The following CSMD1 variants were observed in gnomAD, a reference collection of about 807,000 sequenced individuals.
CSMD1 encodes the protein CUB and Sushi multiple domains 1.
A neutral mutation model predicts 417.5 loss-of-function variants in CSMD1; 213 were observed. The observed-to-expected ratio is 0.51, with a 90% CI of 0.46 to 0.57. The LOEUF is 0.57. CSMD1 is among the 20% of genes least tolerant of loss of function. CSMD1 has a pLI of 0.00. For missense variants in CSMD1, 6,923 were observed against 4,529.7 expected (o/e 1.53, Z -15.17); for synonymous variants, 2,862 against 1,736.8 (o/e 1.65, Z -16.11).
intron 7 of CSMD1, among the ~76,000 whole-genome samples, chr8:3,651,901 G>A: frequency 6.7e-6 from 1 of 149,654 alleles, no homozygotes; most frequent in African/African-American, 2.5e-5. Context: ...ACTACCATCA[G>A]AGTGCTTACC....
At chr8:3,589,264 T>A (rs1010110646) in intron 8 of CSMD1, among the ~76,000 whole-genome samples, 3 of 152,130 alleles carry the variant, frequency 2.0e-5, no homozygotes, top group African/African-American at 7.2e-5. Flanking sequence ...ATGAAATCAA[T>A]ACGTTGAAGA....
intron 1 of CSMD1, among the ~76,000 whole-genome samples, chr8:4,914,464 G>C (rs983182035): frequency 7.2e-5 from 11 of 151,816 alleles, no homozygotes; most frequent in African/African-American, 2.7e-4. Flanking sequence ...TGTAGTCCCA[G>C]CTACTCGGGA....
At chr8:4,083,609 T>A (rs2911716) in intron 3 of CSMD1, among the ~76,000 whole-genome samples, 61,356 of 151,840 alleles carry the variant, frequency 0.4, 12,507 homozygotes, top group East Asian at 0.54. Flanking sequence ...CCTATTTAAT[T>A]AATGGTGCTG....
rs998645020 is a variant in CSMD1, at chr8:3,778,545, C to A, written c.819-24503G>T. 3.9e-5 allele frequency among the ~76,000 whole-genome samples: 6 copies of A among 152,174 alleles called. No individual in the cohort carries two copies. The South Asian group carries it at 6.2e-4, about 16-fold the overall frequency. On this transcript the variant is annotated intron_variant, in intron 5 of 69. Transcript: ENST00000635120. ...AACGCTGCCCGTGTGCCTGTGCACG[C>A]TCTTGCCTGGGGTTTATTTTCTGAG...
intron 3 of CSMD1, among the ~76,000 whole-genome samples, chr8:4,168,009 A>T (rs1797550763): frequency 6.6e-6 from 1 of 152,042 alleles, no homozygotes; most frequent in South Asian, 2.1e-4. Context: ...GACTCCTGTA[A>T]TCCCAGCTAA....
intron 18 of CSMD1, among the ~76,000 whole-genome samples, chr8:3,380,639 A>C (rs1303012512): frequency 6.6e-6 from 1 of 152,166 alleles, no homozygotes; most frequent in Non-Finnish European, 1.5e-5. Context: ...TAACATAGGA[A>C]TACAAAACCA....
At chr8:3,930,796 G>C (rs1218811168) in intron 5 of CSMD1, among the ~76,000 whole-genome samples, 1 of 150,480 alleles carries the variant, frequency 6.6e-6, no homozygotes, top group Admixed American at 6.6e-5. Context: ...ACATGTACAA[G>C]GGTCAAGATT....
chr8:4,138,720 G>T (rs1387820086), intron 3 of CSMD1, among the ~76,000 whole-genome samples: 2 of 152,036 alleles, frequency 1.3e-5, no homozygotes, highest in Non-Finnish European at 2.9e-5. Flanking sequence ...TTTTTTAAGT[G>T]CCAATTTAAC....
chr8:3,176,595 T>G (rs1820950645), intron 37 of CSMD1, among the ~76,000 whole-genome samples: 2 of 152,082 alleles, frequency 1.3e-5, no homozygotes, highest in African/African-American at 4.8e-5. Flanking sequence ...CCCCGTGAAC[T>G]AGAACAATGC....
At position 3,586,126 on chromosome 8, in the gene CSMD1, G is replaced by T. The variant is rs1369957963; in HGVS notation, c.1222+10C>A. On this transcript the variant is annotated intron_variant, in intron 9 of 69. Coordinates refer to ENST00000635120, the MANE Select transcript of CSMD1 (RefSeq NM_033225.6). ...GATAATCCAGGCTTTACCCACCGCA[G>T]GTGCCTTACCTCGGCAGATGGGCCT... 1.2e-6 allele frequency: 2 copies of T among 1,609,046 alleles called. No homozygotes were observed. The highest frequency in any genetic ancestry group is 2.2e-5 in the East Asian group (1 of 44,770).
intron 3 of CSMD1, among the ~76,000 whole-genome samples, chr8:4,319,651 T>C (rs1799152103): frequency 6.6e-6 from 1 of 152,034 alleles, no homozygotes; most frequent in Non-Finnish European, 1.5e-5. Flanking sequence ...GTTCACTGCC[T>C]GGAAAGAGAG....
chr8:4,062,148 C>T (rs771767507), intron 3 of CSMD1, among the ~76,000 whole-genome samples: 1 of 151,976 alleles, frequency 6.6e-6, no homozygotes, highest in Non-Finnish European at 1.5e-5. Context: ...TCATGATATG[C>T]ACTGATACCA....
At chr8:3,770,912 T>G (rs35445361) in intron 5 of CSMD1, among the ~76,000 whole-genome samples, 2 of 152,126 alleles carry the variant, frequency 1.3e-5, no homozygotes, top group Non-Finnish European at 2.9e-5. Flanking sequence ...AAATTAATCA[T>G]TTTCAGATAG....
chr8:4,469,610 T>C (rs919578521), intron 2 of CSMD1, among the ~76,000 whole-genome samples: 2 of 152,148 alleles, frequency 1.3e-5, no homozygotes, highest in Non-Finnish European at 2.9e-5. Flanking sequence ...ACTCTGTGTA[T>C]TCCTGACATC....
chr8:3,797,517 T>G (rs550902926), intron 5 of CSMD1, among the ~76,000 whole-genome samples: 11 of 152,078 alleles, frequency 7.2e-5, no homozygotes, highest in African/African-American at 2.6e-4. Context: ...ATAAATGGAA[T>G]TATATATTAG....
intron 18 of CSMD1, among the ~76,000 whole-genome samples, chr8:3,382,464 TA>T: frequency 1.7e-5 from 2 of 118,570 alleles, no homozygotes; most frequent in Admixed American, 9.5e-5. Context: ...ATATATAATA[TA>T]TTATATATAA....
intron 68 of CSMD1, among the ~76,000 whole-genome samples, chr8:2,946,596 A>G (rs2128916406): frequency 6.6e-6 from 1 of 152,316 alleles, no homozygotes; most frequent in Middle Eastern, 3.4e-3. Context: ...GCTGACTAAT[A>G]TTCCATTGTA....
At chr8:3,857,216 T>G (rs1804374003) in intron 5 of CSMD1, among the ~76,000 whole-genome samples, 1 of 152,140 alleles carries the variant, frequency 6.6e-6, no homozygotes, top group South Asian at 2.1e-4. Flanking sequence ...GAGGGAGTAA[T>G]TAATTGATAC....
At chr8:4,774,603 A>G (rs1374926303) in intron 1 of CSMD1, among the ~76,000 whole-genome samples, 1 of 152,204 alleles carries the variant, frequency 6.6e-6, no homozygotes, top group Non-Finnish European at 1.5e-5. Context: ...GAGTTAATCA[A>G]CTGATGTGGT....
Sources: allele counts gnomAD v4.1 joint callset (sites outside exome capture counted in the v4.1 genomes callset), GRCh38; gene constraint gnomAD v4.1.1; transcripts MANE v1.5; gene names NCBI Gene and HGNC (gene_info 2026-07-23, HGNC 2026-07-21).